ZNF77: variants seen among roughly 807,000 people sequenced by gnomAD.
ZNF77 encodes the protein zinc finger protein 77.
A neutral mutation model predicts 13.5 loss-of-function variants in ZNF77; 15 were observed. That is an observed-to-expected ratio of 1.11 (90% CI 0.74 to 1.71). The LOEUF (loss-of-function observed/expected upper bound fraction) is 1.71, where lower values mean the gene tolerates loss of function less well. ZNF77 is among the 40% of genes most tolerant of loss of function. The pLI is 0.00. For missense variants in ZNF77, 717 were observed against 676.4 expected, an observed-to-expected ratio of 1.06 and a Z score of -0.67; for synonymous variants, 282 against 250.0, an observed-to-expected ratio of 1.13 and a Z score of -1.21.
At chr19:2,937,806 G>C (rs1423087792) in intron 2 of ZNF77, among the ~76,000 whole-genome samples, 1 of 152,000 alleles carries the variant, frequency 6.6e-6, no homozygotes, top group Non-Finnish European at 1.5e-5. Flanking sequence ...ACCAAGACTG[G>C]AGTGCAGTGG....
At chr19:2,939,696 G>C (rs1238824053) in intron 1 of ZNF77, 40 of 380,444 alleles carry the variant, frequency 1.1e-4, no homozygotes, top group South Asian at 1.0e-3. Context: ...ATTAAGCTAA[G>C]GCTGGTGGCT....
chr19:2,941,440 G>A (rs995516782), intron 1 of ZNF77, among the ~76,000 whole-genome samples: 1 of 151,954 alleles, frequency 6.6e-6, no homozygotes, highest in African/African-American at 2.4e-5. Context: ...TCAAGCCACT[G>A]CACTCTAGCC....
intron 1 of ZNF77, among the ~76,000 whole-genome samples, chr19:2,944,441 G>C (rs1157900745): frequency 7.0e-6 from 1 of 142,412 alleles, no homozygotes; most frequent in Non-Finnish European, 1.5e-5. Flanking sequence ...ATCTGCCCTT[G>C]AGCCTGACTC....
At chr19:2,942,872 C>T (rs976778487) in intron 1 of ZNF77, among the ~76,000 whole-genome samples, 2 of 152,070 alleles carry the variant, frequency 1.3e-5, no homozygotes, top group African/African-American at 2.4e-5. Context: ...CTCTGCCTCC[C>T]GAGTTCAAGC....
At chr19:2,935,159 C>T (rs2088384716) in intron 3 of ZNF77, among the ~76,000 whole-genome samples, 1 of 151,764 alleles carries the variant, frequency 6.6e-6, no homozygotes, top group Admixed American at 6.6e-5. Context: ...GCTGGGATTA[C>T]AGGCGCCTGC....
intron 1 of ZNF77, among the ~76,000 whole-genome samples, chr19:2,944,592 C>T (rs1407039389): frequency 1.3e-5 from 2 of 151,922 alleles, no homozygotes. Flanking sequence ...ACAAGCTCTC[C>T]CCAAACTCCT....
chr19:2,942,448 T>C (rs1270298326), intron 1 of ZNF77, among the ~76,000 whole-genome samples: 1 of 139,708 alleles, frequency 7.2e-6, no homozygotes, highest in East Asian at 2.3e-4. Context: ...AGCCTCAAAC[T>C]CGTGGGCTCA....
intron 2 of ZNF77, among the ~76,000 whole-genome samples, chr19:2,938,773 G>A (rs375585699): frequency 7.0e-4 from 107 of 152,052 alleles, no homozygotes; most frequent in East Asian, 1.4e-3. Context: ...TGGCTAACAC[G>A]GTGAAACCCC....
At chr19:2,942,506 G>A (rs905771742) in intron 1 of ZNF77, among the ~76,000 whole-genome samples, 3 of 151,064 alleles carry the variant, frequency 2.0e-5, no homozygotes, top group Non-Finnish European at 4.4e-5. Context: ...CCACAGGTGC[G>A]CATCCCCATG....
In ZNF77 at chr19:2,934,612, C is replaced by G; in HGVS notation, c.515G>C (p.Ser172Thr). The change falls in exon 4 of 4, where the codon AGC (serine) becomes ACC (threonine). Residue 172 changes from serine (S) to threonine (T), a missense_variant. Ser to Thr is a moderately conservative substitution (Grantham distance 58). Transcript: ENST00000314531. ...RPCKECGQAC[S>T]CLSCQSPPMK... ...AGGAGGGCTTTGGCAGGAGAGGCAG[C>G]TGCAGGCTTGCCCACATTCCTTACA... The G allele has an allele frequency of 6.2e-7, 1 of 1,614,150 alleles. No individual in the cohort carries two copies. Among genetic ancestry groups the G allele is most frequent in the Non-Finnish European group, 8.5e-7 (1 of 1,180,006 alleles).
In ZNF77 at chr19:2,933,566, C is replaced by G. The variant is rs1436378617; in HGVS notation, c.1561G>C (p.Glu521Gln). 1.2e-6 allele frequency: 2 copies of G among 1,612,810 alleles called. No homozygotes were observed. The highest frequency in any genetic ancestry group is 1.7e-5 in the Admixed American group (1 of 59,904). ...AAGGTTTTCCCACACTGCTTGCATTCATACGGTCTCTCTCCAGTGTGCGTT... is the reference window on the plus strand; with the variant it reads ...AAGGTTTTCCCACACTGCTTGCATTGATACGGTCTCTCTCCAGTGTGCGTT... ...VRTHTGERPY[E>Q]CKQCGKTFRY... The change falls in exon 4 of 4, where the codon GAA becomes CAA. Residue 521 changes from glutamate (E) to glutamine (Q), a missense_variant. Glu to Gln is a conservative substitution (Grantham distance 29, BLOSUM62 2). Transcript: ENST00000314531.
Position 2,939,275 on chromosome 19 carries a change from C to T in ZNF77, c.130+6G>A, listed in dbSNP as rs151304023. The T allele has an allele frequency of 2.9e-4, 440 of 1,524,186 alleles. 12 individuals carry two copies. The African/African-American group carries it at 5.7e-3, about 20-fold the overall frequency. 94.4% of individuals were successfully genotyped at this position (1,524,186 alleles called of 1,614,324 possible). ...GGAGGCAGTGAGGGAATGACACCAC[C>T]CTTACCCAAGGAGGCAAGGTTCCTG... On this transcript the variant is annotated splice_donor_region_variant and intron_variant, in intron 2 of 3. Coordinates refer to ENST00000314531, the MANE Select transcript of ZNF77 (RefSeq NM_021217.3).
intron 1 of ZNF77, among the ~76,000 whole-genome samples, chr19:2,942,370 C>CT (rs71179937): frequency 0.7 from 71,883 of 101,996 alleles, 27,403 homozygotes; most frequent in Non-Finnish European, 0.84. Context: ...GCGCCCGGCT[C>CT]TTTTTTTTTT....
chr19:2,940,683 A>G (rs991483256), intron 1 of ZNF77, among the ~76,000 whole-genome samples: 12 of 146,376 alleles, frequency 8.2e-5, no homozygotes, highest in Non-Finnish European at 1.3e-4. Context: ...AAAAAGAAAA[A>G]AAAAAAAAAA....
At chr19:2,940,781 A>G (rs568078426) in intron 1 of ZNF77, among the ~76,000 whole-genome samples, 6 of 152,238 alleles carry the variant, frequency 3.9e-5, no homozygotes, top group Admixed American at 1.3e-4. Context: ...TTCTTCGAAG[A>G]CATGGCCTGG....
chr19:2,937,959 G>A (rs2088412393), intron 2 of ZNF77, among the ~76,000 whole-genome samples: 1 of 152,108 alleles, frequency 6.6e-6, no homozygotes. Flanking sequence ...GTTTCACCAC[G>A]TTGGCCAGGC....
intron 2 of ZNF77, among the ~76,000 whole-genome samples, chr19:2,937,611 C>T (rs995693619): frequency 1.3e-5 from 2 of 152,094 alleles, no homozygotes; most frequent in Non-Finnish European, 2.9e-5. Flanking sequence ...TTTGCACATG[C>T]ACAAATGCTC....
intron 2 of ZNF77, among the ~76,000 whole-genome samples, chr19:2,938,762 C>G (rs536962962): frequency 6.6e-6 from 1 of 152,132 alleles, no homozygotes; most frequent in Non-Finnish European, 1.5e-5. Context: ...CGAGACCATC[C>G]TGGCTAACAC....
chr19:2,934,831 A>G lies in ZNF77; in HGVS notation c.312-16T>C, dbSNP rs775407485. ...CAGCTGACTTCTGTTCAAAATGGGA[A>G]GCAAGCTACTAGTCATGAATGACTA... On this transcript the variant is annotated splice_polypyrimidine_tract_variant and intron_variant, in intron 3 of 3. Transcript: ENST00000314531. The G allele has an allele frequency of 5.7e-6, 9 of 1,590,634 alleles. No individual in the cohort carries two copies. The South Asian group carries it at 1.0e-4, about 18-fold the overall frequency.
Sources: gnomAD v4.1 joint callset for allele counts (sites outside exome capture counted in the v4.1 genomes callset) on GRCh38, gnomAD v4.1.1 for gene constraint, MANE v1.5 for transcripts, NCBI Gene and HGNC (gene_info 2026-07-23, HGNC 2026-07-21) for gene names.